GALNT17: variants seen among roughly 807,000 people sequenced by gnomAD.
GALNT17 encodes the protein UDP-GalNAc:polypeptide N-acetylgalactosaminyltransferase-like 3.
A neutral mutation model predicts 63.7 loss-of-function variants in GALNT17; 29 were observed. The ratio of observed to expected loss-of-function variants is 0.46; its 90% confidence interval spans 0.34 to 0.62. The LOEUF is 0.62. GALNT17 is among the 20% of genes least tolerant of loss of function. The pLI is 0.01. For missense variants in GALNT17, 603 were observed against 799.6 expected, an observed-to-expected ratio of 0.75 and a Z score of 2.97; for synonymous variants, 305 against 318.3, an observed-to-expected ratio of 0.96 and a Z score of 0.45.
chr7:71,620,499 C>T (rs1270054269), intron 6 of GALNT17, among the ~76,000 whole-genome samples: 1 of 152,080 alleles, frequency 6.6e-6, no homozygotes, highest in African/African-American at 2.4e-5. Flanking sequence ...AAATTACAGT[C>T]ACAAAAACTG....
At chr7:71,490,340 C>T (rs753027274) in intron 5 of GALNT17, among the ~76,000 whole-genome samples, 2 of 152,116 alleles carry the variant, frequency 1.3e-5, no homozygotes, top group African/African-American at 2.4e-5. Flanking sequence ...TTCTTCACCC[C>T]GGCTCTGAAC....
At chr7:71,333,673 G>A (rs1035413322) in intron 1 of GALNT17, among the ~76,000 whole-genome samples, 1 of 152,208 alleles carries the variant, frequency 6.6e-6, no homozygotes, top group Non-Finnish European at 1.5e-5. Context: ...GCTAATTTTT[G>A]TATTTTTAGT....
chr7:71,318,121 G>T (rs1791532941), intron 1 of GALNT17, among the ~76,000 whole-genome samples: 1 of 152,050 alleles, frequency 6.6e-6, no homozygotes, highest in African/African-American at 2.4e-5. Flanking sequence ...TGCCAGACTG[G>T]TCTCAAACTC....
intron 5 of GALNT17, among the ~76,000 whole-genome samples, chr7:71,474,683 G>A (rs1406100866): frequency 1.3e-5 from 2 of 152,138 alleles, no homozygotes; most frequent in Non-Finnish European, 2.9e-5. Flanking sequence ...AGAGTCATTT[G>A]CGGTGCTGTT....
Position 71,469,040 on chromosome 7 carries a change from G to C in GALNT17, c.962+47935G>C, listed in dbSNP as rs139322138. Among the ~76,000 whole-genome samples the C allele has an allele frequency of 4.3e-4, 66 of 152,218 alleles. No homozygotes were observed. In the East Asian group the frequency reaches 0.013, roughly 29 times the overall value. On this transcript the variant is annotated intron_variant, in intron 5 of 10. Transcript: ENST00000333538. ...AAGTGACATGCGTGCTCTGATGGTA[G>C]AGAGCACGGTGTTGGGAGAAGGTGG... is the stretch of plus-strand genomic sequence containing the variant.
intron 2 of GALNT17, among the ~76,000 whole-genome samples, chr7:71,380,983 C>A (rs1428843388): frequency 6.6e-6 from 1 of 150,458 alleles, no homozygotes. Context: ...TTTTTTAAGA[C>A]AGGATCTCGC....
intron 1 of GALNT17, among the ~76,000 whole-genome samples, chr7:71,291,453 T>C (rs1168850433): frequency 1.3e-5 from 2 of 152,140 alleles, no homozygotes; most frequent in African/African-American, 4.8e-5. Flanking sequence ...AGCTAAATCT[T>C]GGTCTGTGAA....
At chr7:71,401,038 A>G (rs1793229536) in intron 3 of GALNT17, among the ~76,000 whole-genome samples, 1 of 151,906 alleles carries the variant, frequency 6.6e-6, no homozygotes. Flanking sequence ...TTAAACTACT[A>G]TGAGAAGCTT....
intron 6 of GALNT17, among the ~76,000 whole-genome samples, chr7:71,612,120 T>C (rs984069673): frequency 2.8e-4 from 43 of 152,310 alleles, no homozygotes; most frequent in African/African-American, 1.0e-3. Flanking sequence ...TCAAATGGAA[T>C]GTTCCCCCAG....
At chr7:71,694,586 G>T (rs1441406345) in intron 9 of GALNT17, among the ~76,000 whole-genome samples, 1 of 152,112 alleles carries the variant, frequency 6.6e-6, no homozygotes, top group Non-Finnish European at 1.5e-5. Context: ...AGTAGAGACG[G>T]GGTTTCACCA....
At chr7:71,392,616 C>T (rs1793070356) in intron 3 of GALNT17, among the ~76,000 whole-genome samples, 1 of 152,132 alleles carries the variant, frequency 6.6e-6, no homozygotes, top group Non-Finnish European at 1.5e-5. Flanking sequence ...CTGTGAGTCC[C>T]ATTTTAATGG....
At chr7:71,702,260 A>C (rs945479116) in intron 9 of GALNT17, among the ~76,000 whole-genome samples, 3 of 152,212 alleles carry the variant, frequency 2.0e-5, no homozygotes, top group East Asian at 3.9e-4. Flanking sequence ...AAATATGTAC[A>C]CTACCCCCTG....
intron 2 of GALNT17, among the ~76,000 whole-genome samples, chr7:71,382,428 C>T (rs1291995322): frequency 6.6e-6 from 1 of 151,954 alleles, no homozygotes; most frequent in African/African-American, 2.4e-5. Context: ...TGTCCCAGGG[C>T]CTGAAAGTCT....
At chr7:71,452,244 A>G (rs554513642) in intron 5 of GALNT17, among the ~76,000 whole-genome samples, 23 of 138,830 alleles carry the variant, frequency 1.7e-4, no homozygotes, top group Admixed American at 5.0e-4. Flanking sequence ...CTCTCTTTAG[A>G]AAAAAAAAAA....
intron 1 of GALNT17, among the ~76,000 whole-genome samples, chr7:71,326,671 A>G (rs1405137584): frequency 1.3e-5 from 2 of 152,190 alleles, no homozygotes; most frequent in African/African-American, 2.4e-5. Flanking sequence ...ATTTACTTAC[A>G]TTGTATATTC....
intron 2 of GALNT17, among the ~76,000 whole-genome samples, chr7:71,376,425 G>GTT (rs57171551): frequency 9.5e-5 from 6 of 63,358 alleles, no homozygotes; most frequent in Non-Finnish European, 1.4e-4. Context: ...GTTTGGAGTT[G>GTT]TTTTTTTTTT....
At chr7:71,319,158 C>G (rs575949474) in intron 1 of GALNT17, among the ~76,000 whole-genome samples, 86 of 116,996 alleles carry the variant, frequency 7.4e-4, no homozygotes, top group African/African-American at 2.7e-3. Context: ...GTTTTTCTAG[C>G]ATGATCACTA....
chr7:71,413,313 G>A (rs865917873), intron 3 of GALNT17, among the ~76,000 whole-genome samples: 37 of 152,192 alleles, frequency 2.4e-4, no homozygotes, highest in Admixed American at 5.9e-4. Context: ...TTTTGGGCGA[G>A]TGGGGGCCAT....
intron 3 of GALNT17, among the ~76,000 whole-genome samples, chr7:71,391,831 C>G (rs1793057347): frequency 6.6e-6 from 1 of 152,096 alleles, no homozygotes. Context: ...TCTCACGGTT[C>G]TGCAGAATGT....
Sources: allele counts gnomAD v4.1 joint callset (sites outside exome capture counted in the v4.1 genomes callset), GRCh38; gene constraint gnomAD v4.1.1; transcripts MANE v1.5; gene names NCBI Gene and HGNC (gene_info 2026-07-23, HGNC 2026-07-21).